Variants in SDHB observed in about 807,000 individuals in gnomAD.
SDHB encodes succinate dehydrogenase [ubiquinone] iron-sulfur subunit, mitochondrial.
A neutral mutation model predicts 39.7 loss-of-function variants in SDHB; 21 were observed. The ratio of observed to expected loss-of-function variants is 0.53; its 90% confidence interval spans 0.37 to 0.76. The LOEUF (loss-of-function observed/expected upper bound fraction) is 0.76. Ranked by LOEUF, SDHB falls within the 30% of genes least tolerant of loss-of-function variation. The pLI, the probability that SDHB is intolerant of heterozygous loss-of-function variation, is 0.00. For missense variants in SDHB, 343 were observed against 350.9 expected, an observed-to-expected ratio of 0.98 and a Z score of 0.18; for synonymous variants, 118 against 117.0, an observed-to-expected ratio of 1.01 and a Z score of -0.06.
chr1:17,037,991 T>C (rs1009283327), intron 2 of SDHB, among the ~76,000 whole-genome samples: 3 of 152,126 alleles, frequency 2.0e-5, no homozygotes, highest in Non-Finnish European at 2.9e-5. Context: ...ACAAAAGAAT[T>C]AGCTGGGCGT....
At chr1:17,027,513 C>A (rs575362277) in intron 5 of SDHB, 38 of 526,748 alleles carry the variant, frequency 7.2e-5, no homozygotes, top group African/African-American at 7.1e-4. Context: ...ACACAGCAAC[C>A]ACCCGCCCCT....
chr1:17,027,310 G>T (rs2077996222), intron 5 of SDHB, among the ~76,000 whole-genome samples: 1 of 152,220 alleles, frequency 6.6e-6, no homozygotes, highest in Non-Finnish European at 1.5e-5. Context: ...ATGGTGTCAG[G>T]AAAGAATATC....
chr1:17,053,814 G>A, intron 1 of SDHB, 134 bp downstream of exon 1: 1 of 727,236 alleles, frequency 1.4e-6, no homozygotes, highest in Non-Finnish European at 2.5e-6. Flanking sequence ...CCAAAGCACT[G>A]CACCAGGGGG....
intron 1 of SDHB, among the ~76,000 whole-genome samples, chr1:17,050,806 T>C (rs1285021637): frequency 1.3e-5 from 2 of 152,208 alleles, no homozygotes; most frequent in African/African-American, 4.8e-5. Context: ...TACAAAGAGT[T>C]AATTCTCAGG....
chr1:17,046,419 A>G (rs2078110583), intron 1 of SDHB, among the ~76,000 whole-genome samples: 1 of 152,054 alleles, frequency 6.6e-6, no homozygotes. Flanking sequence ...AAAATTCACT[A>G]ATTTTAAGGG....
At chr1:17,045,591 T>C (rs2078104811) in intron 1 of SDHB, among the ~76,000 whole-genome samples, 1 of 152,120 alleles carries the variant, frequency 6.6e-6, no homozygotes, top group Non-Finnish European at 1.5e-5. Flanking sequence ...AGAGTGAGAC[T>C]CTTTTTCAAA....
chr1:17,040,796 G>C (rs574320029), intron 2 of SDHB, among the ~76,000 whole-genome samples: 1 of 152,052 alleles, frequency 6.6e-6, no homozygotes, highest in Non-Finnish European at 1.5e-5. Context: ...TAGATCACAG[G>C]AGCGCTTTCC....
chr1:17,052,396 C>T (rs1219395480), intron 1 of SDHB: 3 of 152,192 alleles, frequency 2.0e-5, no homozygotes, highest in Admixed American at 6.5e-5. Flanking sequence ...TGTACATTCC[C>T]ACAAGGAAGG....
intron 1 of SDHB, among the ~76,000 whole-genome samples, chr1:17,047,563 AT>A (rs1398974907): frequency 6.6e-6 from 1 of 151,748 alleles, no homozygotes; most frequent in African/African-American, 2.4e-5. Context: ...TGTGCCTGTA[AT>A]CCCAGCTACT....
chr1:17,051,984 G>C (rs2078150730), intron 1 of SDHB, among the ~76,000 whole-genome samples: 1 of 150,510 alleles, frequency 6.6e-6, no homozygotes, highest in Admixed American at 6.7e-5. Flanking sequence ...TAGGATTATA[G>C]GCGCCCACCA....
Position 17,024,074 on chromosome 1 carries a change from C to T in SDHB, c.541G>A (p.Asp181Asn), listed in dbSNP as rs201385062. The change falls in exon 6 of 8, where the codon GAC (aspartate) becomes AAC (asparagine). Residue 181 changes from aspartate (D) to asparagine (N), a missense_variant and splice_region_variant. Transcript: ENST00000375499. The part of the protein sequence containing the change: ...LQSIEEREKL[D>N]GLYECILCAC... ...CAGAGAATGCACTCGTAGAGCCCGT[C>T]CTGTATGGGGAGAAAAGAGAGGCAG... is the stretch of plus-strand genomic sequence containing the variant. The T allele has an allele frequency of 4.3e-6, 7 of 1,609,704 alleles. No individual in the cohort carries two copies. Among genetic ancestry groups the T allele is most frequent in the East Asian group, 2.2e-5 (1 of 44,878 alleles).
chr1:17,034,815 G>C (rs916798893), intron 2 of SDHB, among the ~76,000 whole-genome samples: 1 of 152,112 alleles, frequency 6.6e-6, no homozygotes. Context: ...GTTTTAAATC[G>C]AGACTTTTGA....
intron 7 of SDHB, among the ~76,000 whole-genome samples, chr1:17,020,043 G>C (rs1187094747): frequency 1.3e-5 from 2 of 152,228 alleles, no homozygotes; most frequent in African/African-American, 4.8e-5. Context: ...AAGAAAGACA[G>C]AAGAGGACAC....
intron 4 of SDHB, 35 bp from the exon 5 acceptor site, chr1:17,027,900 G>A (rs1193778253): frequency 1.6e-6 from 2 of 1,257,708 alleles, no homozygotes; most frequent in South Asian, 1.2e-5. Context: ...AGAAGAAGAA[G>A]AAAAGGATCA....
intron 1 of SDHB, among the ~76,000 whole-genome samples, chr1:17,053,270 G>A (rs934629953): frequency 1.6e-4 from 25 of 152,138 alleles, no homozygotes; most frequent in Non-Finnish European, 3.1e-4. Flanking sequence ...GTCATTCCAT[G>A]TCAACTCTAT....
Position 17,050,655 on chromosome 1 carries a change from CA to C in SDHB, c.72+3292del, listed in dbSNP as rs34806121. Among the ~76,000 whole-genome samples the C allele has an allele frequency of 6.7e-3, 900 of 134,812 alleles. 2 individuals carry two copies. Among genetic ancestry groups the C allele is most frequent in the African/African-American group, 0.012 (425 of 34,738 alleles). 88.4% of individuals were successfully genotyped at this position (134,812 alleles called of 152,430 possible). On this transcript the variant is annotated intron_variant, in intron 1 of 7. Transcript: ENST00000375499. ...CAACAACGTGAGCGTGACTCTGTCT[CA>C]AAAAAAAAAAAAAATGTATTTCATA...
chr1:17,024,084 G>A lies in SDHB; in HGVS notation c.541-10C>T, dbSNP rs200004039. On this transcript the variant is annotated splice_polypyrimidine_tract_variant and intron_variant, in intron 5 of 7. Coordinates refer to ENST00000375499, the MANE Select transcript of SDHB (RefSeq NM_003000.3). ...ACTCGTAGAGCCCGTCCTGTATGGG[G>A]AGAAAAGAGAGGCAGGAGCTTGTGA... 5 of 1,590,570 alleles carry A rather than the reference G, an allele frequency of 3.1e-6. No homozygotes were observed. The highest frequency in any genetic ancestry group is 4.3e-6 in the Non-Finnish European group (5 of 1,160,390).
intron 7 of SDHB, 76 bp from the exon 8 acceptor site, chr1:17,019,034 C>G: frequency 8.8e-7 from 1 of 1,133,514 alleles, no homozygotes; most frequent in East Asian, 2.3e-5. Context: ...TTGGGTGAAA[C>G]TCCTTCCTCA....
intron 4 of SDHB, 64 bp downstream of exon 4, chr1:17,028,536 G>T: frequency 6.4e-7 from 1 of 1,564,110 alleles, no homozygotes; most frequent in Non-Finnish European, 8.8e-7. Flanking sequence ...AACTAATAGC[G>T]TAACACACAT....
Sources: allele counts gnomAD v4.1 joint callset (sites outside exome capture counted in the v4.1 genomes callset), GRCh38; gene constraint gnomAD v4.1.1; transcripts MANE v1.5; gene names NCBI Gene and HGNC (gene_info 2026-07-23, HGNC 2026-07-21).